The following NCOR1 variants were observed in gnomAD, a reference collection of about 807,000 sequenced individuals.
NCOR1 encodes protein phosphatase 1, regulatory subunit 109.
A neutral mutation model predicts 288.1 loss-of-function variants in NCOR1; 63 were observed. The ratio of observed to expected loss-of-function variants is 0.22; its 90% CI spans 0.18 to 0.27. NCOR1 has a LOEUF of 0.27. Ranked by LOEUF, NCOR1 falls within the 10% of genes least tolerant of loss-of-function variation. The pLI is 1.00. For synonymous variants in NCOR1, 1,007 were observed against 1,065.9 expected, an observed-to-expected ratio of 0.94 and a Z score of 1.08; for missense variants, 2,397 against 3,019.2, an observed-to-expected ratio of 0.79 and a Z score of 4.83.
chr17:16,114,160 A>AAAAACC, intron 18 of NCOR1, among the ~76,000 whole-genome samples: 1 of 106,930 alleles, frequency 9.4e-6, no homozygotes, highest in Admixed American at 1.1e-4. Flanking sequence ...AAAAAAAAAA[A>AAAAACC]AAAAAAAAAC....
Position 16,031,517 on chromosome 17 carries a change from G to A in NCOR1, c.*779C>T. On this transcript the variant is annotated 3_prime_UTR_variant, in exon 46 of 46. Coordinates refer to ENST00000268712, the MANE Select transcript of NCOR1 (RefSeq NM_006311.4). Reference sequence around the variant, plus strand: ...TTAAATTACCAGTGTGCGTAACAGTGAGGTATGCCTCAAATAAGCCTTTAA... The same window carrying A: ...TTAAATTACCAGTGTGCGTAACAGTAAGGTATGCCTCAAATAAGCCTTTAA... The A allele has an allele frequency of 4.8e-6, 1 of 209,026 alleles. No individual in the cohort carries two copies. Among genetic ancestry groups the A allele is most frequent in the East Asian group, 7.3e-5 (1 of 13,738 alleles). The allele number at this position is 209,026 out of a possible 1,614,324, so 12.9% of individuals were successfully genotyped here.
At chr17:16,102,752 C>T (rs1182779331) in intron 19 of NCOR1, among the ~76,000 whole-genome samples, 2 of 152,078 alleles carry the variant, frequency 1.3e-5, no homozygotes, top group Non-Finnish European at 2.9e-5. Flanking sequence ...TGGCACCATG[C>T]CCGGCTAATT....
At chr17:16,157,619 T>G (rs1171786701) in intron 6 of NCOR1, among the ~76,000 whole-genome samples, 1 of 152,156 alleles carries the variant, frequency 6.6e-6, no homozygotes, top group Admixed American at 6.5e-5. Flanking sequence ...ATGAATCCAC[T>G]CACTACAAAT....
At chr17:16,065,164 TA>T in intron 33 of NCOR1, 145 bp from the exon 34 acceptor site, 1 of 817,856 alleles carries the variant, frequency 1.2e-6, no homozygotes, top group Non-Finnish European at 1.9e-6. Context: ...CATTACTTTT[TA>T]AGACATTCTT....
Position 16,035,886 on chromosome 17 carries a change from C to T in NCOR1, c.6956-942G>A, listed in dbSNP as rs150044867. ...CACCTGCAGTGACTCCCTCCACTGA[C>T]GTCTTGATCCCCTCCCAAGTTATCC... On this transcript the variant is annotated intron_variant, in intron 44 of 45. Transcript: ENST00000268712. 1.2e-4 allele frequency among the ~76,000 whole-genome samples: 18 copies of T among 152,220 alleles called. No individual in the cohort carries two copies. The East Asian group carries it at 2.9e-3, about 24-fold the overall frequency.
At position 16,079,954 on chromosome 17, in the gene NCOR1, C is replaced by T. The variant is rs759112276; in HGVS notation, c.3501+10G>A. 3.5e-5 allele frequency: 56 copies of T among 1,603,562 alleles called. No homozygotes were observed. Among genetic ancestry groups the T allele is most frequent in the Non-Finnish European group, 4.4e-5 (51 of 1,170,986 alleles). ...TTCTGTTGAGTATATCAGAGATGAT[C>T]GTGACTAACCTGAGTGATAGAGCCC... On this transcript the variant is annotated intron_variant, in intron 26 of 45. Transcript: ENST00000268712.
At chr17:16,134,191 G>A (rs1172504619) in intron 14 of NCOR1, among the ~76,000 whole-genome samples, 1 of 152,076 alleles carries the variant, frequency 6.6e-6, no homozygotes. Flanking sequence ...CTGAAAAGCT[G>A]CCCCTCTATT....
intron 5 of NCOR1, among the ~76,000 whole-genome samples, chr17:16,162,388 A>G (rs570660591): frequency 5.9e-4 from 89 of 152,090 alleles, no homozygotes; most frequent in African/African-American, 2.0e-3. Context: ...AAAAAAGATA[A>G]TGGCTTGGAA....
At position 16,145,494 on chromosome 17, in the gene NCOR1, G is replaced by A. The variant is rs528508704; in HGVS notation, c.1082+882C>T. 1.5e-4 allele frequency among the ~76,000 whole-genome samples: 22 copies of A among 147,094 alleles called. No homozygotes were observed. The South Asian group carries it at 2.6e-3, about 18-fold the overall frequency. ...CCGCCCCGTCTGGGATGTGAGGAGC[G>A]CCTCTGCCCGGCCACGACCCCGTCT... is the stretch of plus-strand genomic sequence containing the variant. On this transcript the variant is annotated intron_variant, in intron 10 of 45. Transcript: ENST00000268712.
chr17:16,076,473 T>G (rs755651376), intron 26 of NCOR1, among the ~76,000 whole-genome samples: 3 of 152,198 alleles, frequency 2.0e-5, no homozygotes, highest in African/African-American at 7.2e-5. Context: ...AGAGCAATCA[T>G]TGATGCTGAT....
intron 1 of NCOR1, among the ~76,000 whole-genome samples, chr17:16,202,362 C>A (rs892038868): frequency 6.6e-6 from 1 of 151,190 alleles, no homozygotes; most frequent in Non-Finnish European, 1.5e-5. Context: ...GATCGCACCC[C>A]TGCACTCCAG....
At chr17:16,140,056 T>C (rs756523146) in intron 11 of NCOR1, among the ~76,000 whole-genome samples, 7 of 152,214 alleles carry the variant, frequency 4.6e-5, no homozygotes, top group Non-Finnish European at 8.8e-5. Flanking sequence ...TTTAGATGCT[T>C]ACAAATGTTT....
chr17:16,090,801 A>G (rs1433957858), intron 22 of NCOR1, among the ~76,000 whole-genome samples: 1 of 152,204 alleles, frequency 6.6e-6, no homozygotes, highest in African/African-American at 2.4e-5. Context: ...ATCTGGGCAG[A>G]GTCAGCAGGA....
In NCOR1 at chr17:16,092,204, G is replaced by T. The variant is rs1413042612; in HGVS notation, c.2821-146C>A. ...AATCAAAGTTATCTTCAAGAATAAT[G>T]CTTAAGGCATTGCAGTGGCTCATGC... is the stretch of plus-strand genomic sequence containing the variant. On this transcript the variant is annotated intron_variant, in intron 21 of 45. Transcript: ENST00000268712. The T allele has an allele frequency of 1.0e-5, 11 of 1,073,962 alleles. No homozygotes were observed. The East Asian group carries it at 2.6e-4, about 25-fold the overall frequency. 66.5% of individuals were successfully genotyped at this position (1,073,962 alleles called of 1,614,324 possible). A position where few individuals can be genotyped will look rare whatever the true frequency, so the allele number is the denominator to read the frequency against.
chr17:16,073,805 G>C (rs2152753388), intron 27 of NCOR1, among the ~76,000 whole-genome samples: 1 of 152,288 alleles, frequency 6.6e-6, no homozygotes, highest in South Asian at 2.1e-4. Flanking sequence ...AACAAATTAA[G>C]TCCCTTTCTG....
At chr17:16,104,718 G>A (rs138190135) in intron 19 of NCOR1, among the ~76,000 whole-genome samples, 30 of 152,336 alleles carry the variant, frequency 2.0e-4, no homozygotes, top group African/African-American at 7.2e-4. Flanking sequence ...CTTGCAGTGA[G>A]CTGTGTTCAC....
At chr17:16,118,597 A>G (rs2072262985) in intron 17 of NCOR1, among the ~76,000 whole-genome samples, 1 of 152,226 alleles carries the variant, frequency 6.6e-6, no homozygotes, top group Admixed American at 6.5e-5. Flanking sequence ...ATGCACACAC[A>G]TAAACACACA....
chr17:16,190,342 T>G (rs1412798178), intron 2 of NCOR1, among the ~76,000 whole-genome samples: 2 of 152,074 alleles, frequency 1.3e-5, no homozygotes, highest in Admixed American at 6.6e-5. Flanking sequence ...CTGAAAGAAT[T>G]TCTTTTTTTT....
chr17:16,121,320 T>C (rs1287125366), intron 15 of NCOR1, 51 bp from the exon 16 acceptor site: 2 of 1,453,178 alleles, frequency 1.4e-6, no homozygotes, highest in Non-Finnish European at 1.9e-6. Flanking sequence ...TATACATACA[T>C]CGAAGAAGGT....
Sources: allele counts gnomAD v4.1 joint callset (sites outside exome capture counted in the v4.1 genomes callset), GRCh38; gene constraint gnomAD v4.1.1; transcripts MANE v1.5; gene names NCBI Gene and HGNC (gene_info 2026-07-23, HGNC 2026-07-21).